Variants in PVR observed in about 807,000 individuals in gnomAD.
The protein encoded by PVR is PVR cell adhesion molecule, also known as poliovirus receptor.
PVR carries 39 observed loss-of-function variants against 43.3 expected under a neutral mutation model. The ratio of observed to expected loss-of-function variants is 0.90; its 90% CI spans 0.70 to 1.18. PVR has a LOEUF of 1.18. PVR is among the 50% of genes most tolerant of loss of function. The probability of loss-of-function intolerance (pLI) is 0.00; values close to 1 mark genes in which losing one functional copy is unlikely to be tolerated. For synonymous variants in PVR, 224 were observed against 233.2 expected, an observed-to-expected ratio of 0.96 and a Z score of 0.36; for missense variants, 480 against 549.7, an observed-to-expected ratio of 0.87 and a Z score of 1.27.
At chr19:44,657,228 C>A (rs1262846418) in intron 4 of PVR, among the ~76,000 whole-genome samples, 1 of 152,166 alleles carries the variant, frequency 6.6e-6, no homozygotes, top group Non-Finnish European at 1.5e-5. Context: ...TGAGGACCAA[C>A]AAAGAGGCCA....
At chr19:44,655,328 A>G (rs1377106294) in intron 4 of PVR, among the ~76,000 whole-genome samples, 1 of 152,132 alleles carries the variant, frequency 6.6e-6, no homozygotes, top group African/African-American at 2.4e-5. Flanking sequence ...GGCTCAAGCA[A>G]TCAACCCACC....
Position 44,662,244 on chromosome 19 carries a change from A to AAC in PVR, c.*433_*434insAC. The AAC allele has an allele frequency of 5.6e-6, 1 of 177,476 alleles. No homozygotes were observed. The highest frequency in any genetic ancestry group is 1.4e-4 in the South Asian group (1 of 7,216). The allele number at this position is 177,476 out of a possible 1,614,324, so 11.0% of individuals were successfully genotyped here. On this transcript the variant is annotated 3_prime_UTR_variant, in exon 8 of 8. Transcript: ENST00000425690. ...TGCCAACCAGAGCAGCTCACTCGAGATCTTTGTGTCCAGAGTTTTTTGTTT... is the reference window on the plus strand; with the variant it reads ...TGCCAACCAGAGCAGCTCACTCGAGAACTCTTTGTGTCCAGAGTTTTTTGTTT...
At chr19:44,652,614 C>G (rs1973313593) in intron 3 of PVR, among the ~76,000 whole-genome samples, 1 of 151,964 alleles carries the variant, frequency 6.6e-6, no homozygotes, top group Non-Finnish European at 1.5e-5. Context: ...AAACTCCTGA[C>G]CTCGTGATCC....
chr19:44,645,779 G>A (rs1331205323), intron 1 of PVR, among the ~76,000 whole-genome samples: 1 of 151,514 alleles, frequency 6.6e-6, no homozygotes. Context: ...TGGGCAATAT[G>A]GCAAGACCCC....
In PVR at chr19:44,662,154, G is replaced by A. The variant is rs939370544; in HGVS notation, c.*343G>A. On this transcript the variant is annotated 3_prime_UTR_variant, in exon 8 of 8. Coordinates refer to ENST00000425690, the MANE Select transcript of PVR (RefSeq NM_006505.5). Reference sequence around the variant, plus strand: ...CTTCCATCTGCCCTCTCCCAGTGGAGCCATATAGGCAGCACCTGATTCTCA... The same window carrying A: ...CTTCCATCTGCCCTCTCCCAGTGGAACCATATAGGCAGCACCTGATTCTCA... 8.2e-5 allele frequency: 23 copies of A among 281,234 alleles called. No individual in the cohort carries two copies. The highest frequency in any genetic ancestry group is 1.2e-4 in the Non-Finnish European group (18 of 145,584). 17.4% of individuals were successfully genotyped at this position (281,234 alleles called of 1,614,324 possible).
chr19:44,658,849 T>C lies in PVR; in HGVS notation c.1099T>C (p.Trp367Arg), dbSNP rs960486823. Residue 367 changes from tryptophan to arginine, a missense_variant, in exon 6 of 8, where the codon TGG becomes CGG. Trp to Arg is a moderately radical substitution (Grantham distance 101). Coordinates refer to ENST00000425690, the MANE Select transcript of PVR (RefSeq NM_006505.5). Reference sequence around the variant, plus strand: ...GCTGGGGATCGGGATTTATTTCTATTGGTCCAAATGTTCCCGTGAGGTCCT... The same window carrying C: ...GCTGGGGATCGGGATTTATTTCTATCGGTCCAAATGTTCCCGTGAGGTCCT... ...ILLGIGIYFY[W>R]SKCSREVLWH... The C allele has an allele frequency of 1.2e-6, 2 of 1,614,076 alleles. No homozygotes were observed. The highest frequency in any genetic ancestry group is 1.3e-5 in the African/African-American group (1 of 74,926).
chr19:44,657,698 G>C, intron 4 of PVR, 64 bp from the exon 5 acceptor site: 1 of 1,562,734 alleles, frequency 6.4e-7, no homozygotes, highest in East Asian at 2.3e-5. Context: ...CGTAGTGCGT[G>C]CTCAATCACT....
At chr19:44,644,418 G>T (rs1164550416) in intron 1 of PVR, among the ~76,000 whole-genome samples, 3 of 152,182 alleles carry the variant, frequency 2.0e-5, no homozygotes, top group Non-Finnish European at 4.4e-5. Context: ...AGCAACACGG[G>T]TCGGGCACAA....
intron 3 of PVR, among the ~76,000 whole-genome samples, chr19:44,650,376 G>A (rs553301760): frequency 9.9e-5 from 15 of 152,106 alleles, no homozygotes; most frequent in African/African-American, 3.4e-4. Flanking sequence ...CTGTCTGCAC[G>A]GATACCTGAC....
Position 44,662,258 on chromosome 19 carries a change from AGTTTTT to A in PVR, c.*448_*453del. ...GCTCACTCGAGATCTTTGTGTCCAG[AGTTTTT>A]TGTTTGTCTTGAGACAGGGTCTGGC... On this transcript the variant is annotated 3_prime_UTR_variant, in exon 8 of 8. Transcript: ENST00000425690. The A allele has an allele frequency of 1.1e-5, 2 of 175,006 alleles. No homozygotes were observed. Among genetic ancestry groups the A allele is most frequent in the South Asian group, 2.8e-4 (2 of 7,204 alleles). 10.8% of individuals were successfully genotyped at this position (175,006 alleles called of 1,614,324 possible).
intron 3 of PVR, 50 bp from the exon 4 acceptor site, chr19:44,653,850 G>A (rs773930408): frequency 7.7e-7 from 1 of 1,302,400 alleles, no homozygotes; most frequent in African/African-American, 1.5e-5. Context: ...CGTAGCCCCA[G>A]GCCCCCCAAA....
chr19:44,658,143 C>G (rs1158841117), intron 5 of PVR, among the ~76,000 whole-genome samples: 2 of 152,148 alleles, frequency 1.3e-5, no homozygotes, highest in African/African-American at 2.4e-5. Context: ...GAATCCCTCT[C>G]TCTCAGGGAC....
chr19:44,647,584 T>A lies in PVR; in HGVS notation c.427+14T>A. ...TCCGAGTGCTTGGTGAGCAGGGGGT[T>A]TTGGGGAGGCTGAATGAAAGGCAGA... On this transcript the variant is annotated intron_variant, in intron 2 of 7. Transcript: ENST00000425690. 1 of 1,592,936 alleles carries A rather than the reference T, an allele frequency of 6.3e-7. No individual in the cohort carries two copies. The highest frequency in any genetic ancestry group is 8.6e-7 in the Non-Finnish European group (1 of 1,168,170).
intron 1 of PVR, among the ~76,000 whole-genome samples, chr19:44,646,001 G>A (rs1381031364): frequency 2.0e-5 from 3 of 152,030 alleles, no homozygotes; most frequent in African/African-American, 7.3e-5. Context: ...CTAAACCTCT[G>A]TATGACTTGG....
rs1468604237 is a variant in PVR, at chr19:44,644,107, CCATGGCCGCCG to C, written c.13_23del (p.Met5ValfsTer63). 9.9e-6 allele frequency: 15 copies of C among 1,517,824 alleles called. No individual in the cohort carries two copies. The highest frequency in any genetic ancestry group is 1.2e-5 in the South Asian group (1 of 82,204). The allele number at this position is 1,517,824 out of a possible 1,614,324, so 94.0% of individuals were successfully genotyped here. A position where few individuals can be genotyped will look rare whatever the true frequency, so the allele number is the denominator to read the frequency against. On this transcript the variant is annotated frameshift_variant, in exon 1 of 8. Coordinates refer to ENST00000425690, the MANE Select transcript of PVR (RefSeq NM_006505.5). LOFTEE classifies it high-confidence loss of function. ...CTCGGAGCAACTGGCATGGCCCGAG[CCATGGCCGCCG>C]CGTGGCCGCTGCTGCTGGTGGCGCT...
rs540511745 is a variant in PVR at position 44,665,670 on chromosome 19, C to T, written c.*3859C>T. ...AAAAAAAAAAAAAAAACTGGATTGCCTGGCTCTACTCCGGGCACAGCATGC... is the reference window on the plus strand; with the variant it reads ...AAAAAAAAAAAAAAAACTGGATTGCTTGGCTCTACTCCGGGCACAGCATGC... On this transcript the variant is annotated 3_prime_UTR_variant, in exon 8 of 8. Coordinates refer to ENST00000425690, the MANE Select transcript of PVR (RefSeq NM_006505.5). The T allele has an allele frequency of 6.5e-6, 1 of 154,190 alleles. No homozygotes were observed. Among genetic ancestry groups the T allele is most frequent in the East Asian group, 1.9e-4 (1 of 5,324 alleles). 9.6% of individuals were successfully genotyped at this position (154,190 alleles called of 1,614,324 possible). A position where few individuals can be genotyped will look rare whatever the true frequency, so the allele number is the denominator to read the frequency against.
chr19:44,655,057 C>A (rs2123762680), intron 4 of PVR, among the ~76,000 whole-genome samples: 1 of 151,630 alleles, frequency 6.6e-6, no homozygotes, highest in South Asian at 2.1e-4. Context: ...TTTTATAATA[C>A]ATAATTTTAC....
At chr19:44,651,823 T>A (rs899741781) in intron 3 of PVR, among the ~76,000 whole-genome samples, 1 of 152,164 alleles carries the variant, frequency 6.6e-6, no homozygotes, top group South Asian at 2.1e-4. Flanking sequence ...AAGCTGCATA[T>A]AGGATTTTAA....
chr19:44,647,550 A>G lies in PVR; in HGVS notation c.407A>G (p.Asp136Gly), dbSNP rs2123748183. ...VTFPQGSRSV[D>G]IWLRVLAKPQ... ...TTCCCGCAGGGCAGCAGGAGCGTGG[A>G]TATCTGGCTCCGAGTGCTTGGTGAG... Residue 136 changes from aspartate to glycine, a missense_variant, in exon 2 of 8, where the codon GAT becomes GGT. Transcript: ENST00000425690. The G allele has an allele frequency of 1.2e-6, 2 of 1,612,614 alleles. No individual in the cohort carries two copies. Among genetic ancestry groups the G allele is most frequent in the African/African-American group, 1.3e-5 (1 of 74,972 alleles).
Sources: allele counts gnomAD v4.1 joint callset (sites outside exome capture counted in the v4.1 genomes callset), GRCh38; gene constraint gnomAD v4.1.1; transcripts MANE v1.5; gene names NCBI Gene and HGNC (gene_info 2026-07-23, HGNC 2026-07-21).